The following CDH17 variants were observed in gnomAD, a reference collection of about 807,000 sequenced individuals.
The protein encoded by CDH17 is cadherin-17.
A neutral mutation model predicts 86.3 loss-of-function variants in CDH17; 67 were observed. That is an observed-to-expected ratio of 0.78 (90% CI 0.64 to 0.95). The LOEUF (loss-of-function observed/expected upper bound fraction) is 0.95. Among genes scored for constraint, CDH17 ranks in the 40% least tolerant of loss-of-function variants. The pLI, the probability that CDH17 is intolerant of heterozygous loss-of-function variation, is 0.00. For synonymous variants in CDH17, 367 were observed against 366.4 expected (o/e 1.00, Z -0.02); for missense variants, 993 against 1,017.6 (o/e 0.98, Z 0.33).
At chr8:94,215,822 T>TAA (rs1814185650) in intron 1 of CDH17, among the ~76,000 whole-genome samples, 1 of 152,074 alleles carries the variant, frequency 6.6e-6, no homozygotes, top group South Asian at 2.1e-4. Flanking sequence ...GGAAATGTCT[T>TAA]ACGGTTTCCA....
At chr8:94,199,281 T>G (rs890603800) in intron 1 of CDH17, among the ~76,000 whole-genome samples, 1 of 151,890 alleles carries the variant, frequency 6.6e-6, no homozygotes, top group African/African-American at 2.4e-5. Flanking sequence ...TGTTCTCACC[T>G]GTAAGAGCTT....
chr8:94,214,224 T>C (rs1269557580), intron 1 of CDH17, among the ~76,000 whole-genome samples: 1 of 152,106 alleles, frequency 6.6e-6, no homozygotes, highest in African/African-American at 2.4e-5. Context: ...GTGCAGTGAC[T>C]GCCTAGGAAG....
chr8:94,214,812 A>AACAG (rs1814170710), intron 1 of CDH17, among the ~76,000 whole-genome samples: 1 of 93,190 alleles, frequency 1.1e-5, no homozygotes. Context: ...CCAATCAAAA[A>AACAG]ATAAAGGATC....
intron 9 of CDH17, among the ~76,000 whole-genome samples, chr8:94,167,658 T>C (rs1813182883): frequency 6.6e-6 from 1 of 152,100 alleles, no homozygotes; most frequent in South Asian, 2.1e-4. Context: ...AATTCTGTGG[T>C]CCTTTGGTGT....
At position 94,130,978 on chromosome 8, in the gene CDH17, G is replaced by C; in HGVS notation, c.2182C>G (p.Leu728Val). Residue 728 changes from leucine to valine, a missense_variant, in exon 16 of 18, where the codon CTG (leucine) becomes GTG (valine). Physicochemically the swap from Leu to Val is conservative, Grantham distance 32 (BLOSUM62 1). Coordinates refer to ENST00000027335, the MANE Select transcript of CDH17 (RefSeq NM_004063.4). ...TCAAACTCTGTGTGCCTGGTAGACA[G>C]TCGGGCATGAGTACCTGCCAGGACA... ...VSKINGTHAR[L>V]STRHTEFEER... 2 of 1,579,918 alleles carry C rather than the reference G, an allele frequency of 1.3e-6. No homozygotes were observed. Among genetic ancestry groups the C allele is most frequent in the Non-Finnish European group, 1.7e-6 (2 of 1,149,122 alleles).
intron 5 of CDH17, among the ~76,000 whole-genome samples, chr8:94,174,473 A>C (rs1387878874): frequency 6.6e-6 from 1 of 152,192 alleles, no homozygotes; most frequent in Non-Finnish European, 1.5e-5. Context: ...AGGGTCCCTG[A>C]AACTGTTCAA....
At chr8:94,203,869 A>G (rs1813971130) in intron 1 of CDH17, among the ~76,000 whole-genome samples, 1 of 152,180 alleles carries the variant, frequency 6.6e-6, no homozygotes, top group African/African-American at 2.4e-5. Flanking sequence ...ATGAACATAC[A>G]TACATAAACA....
At chr8:94,180,903 C>T (rs2613236) in intron 3 of CDH17, among the ~76,000 whole-genome samples, 28,132 of 144,940 alleles carry the variant, frequency 0.19, 3,209 homozygotes, top group Non-Finnish European at 0.25. Context: ...AGTGAGACTC[C>T]GTCTCGAACA....
chr8:94,138,169 A>G (rs1370980201), intron 15 of CDH17, among the ~76,000 whole-genome samples: 1 of 152,174 alleles, frequency 6.6e-6, no homozygotes, highest in Non-Finnish European at 1.5e-5. Flanking sequence ...TGCCCTCCCT[A>G]TTCATATCTG....
At chr8:94,183,590 A>G (rs545523878) in intron 3 of CDH17, among the ~76,000 whole-genome samples, 1 of 152,278 alleles carries the variant, frequency 6.6e-6, no homozygotes, top group African/African-American at 2.4e-5. Flanking sequence ...CCTAAATAGA[A>G]AAACTAAAAC....
intron 1 of CDH17, among the ~76,000 whole-genome samples, chr8:94,198,010 T>C (rs998737899): frequency 6.6e-6 from 1 of 152,008 alleles, no homozygotes; most frequent in African/African-American, 2.4e-5. Context: ...AACCAGATTA[T>C]CAATTCCAGA....
rs750430926 is a variant in CDH17, at chr8:94,162,169, A to G, written c.1283-7T>C. 6.3e-7 allele frequency: 1 copy of G among 1,579,824 alleles called. No individual in the cohort carries two copies. The highest frequency in any genetic ancestry group is 8.7e-7 in the Non-Finnish European group (1 of 1,149,520). ...AAACAAAGGGTCTTGAAATCTGAAA[A>G]CCAAAGTCATATGTCATAGAAATTT... On this transcript the variant is annotated splice_polypyrimidine_tract_variant and splice_region_variant and intron_variant, in intron 10 of 17. Coordinates refer to ENST00000027335, the MANE Select transcript of CDH17 (RefSeq NM_004063.4).
chr8:94,204,083 T>C (rs977739414), intron 1 of CDH17, among the ~76,000 whole-genome samples: 3 of 152,354 alleles, frequency 2.0e-5, no homozygotes, highest in African/African-American at 7.2e-5. Flanking sequence ...TCAATTATAA[T>C]ACACATTACT....
chr8:94,132,467 T>A (rs970775181), intron 15 of CDH17, among the ~76,000 whole-genome samples: 4 of 152,192 alleles, frequency 2.6e-5, no homozygotes, highest in African/African-American at 9.6e-5. Context: ...TGCATAAATG[T>A]CTTTTGAGAA....
At chr8:94,143,896 A>G (rs1812685522) in intron 15 of CDH17, among the ~76,000 whole-genome samples, 1 of 152,208 alleles carries the variant, frequency 6.6e-6, no homozygotes, top group Non-Finnish European at 1.5e-5. Context: ...CTTAATGGCA[A>G]TAAGGCTATT....
Position 94,152,079 on chromosome 8 carries a change from T to C in CDH17, c.1585A>G (p.Ile529Val), listed in dbSNP as rs1268204524. 1.2e-6 allele frequency: 2 copies of C among 1,614,002 alleles called. No individual in the cohort carries two copies. The highest frequency in any genetic ancestry group is 1.7e-6 in the Non-Finnish European group (2 of 1,180,026). ...LDFETAAVSN[I>V]VFKAENPEPL... ...TCAGGATTTTCTGCTTTGAACACAA[T>C]GTTGGAAACAGCTGCTGTTTCAAAA... The change falls in exon 13 of 18, where the codon ATT becomes GTT. Residue 529 changes from isoleucine to valine, a missense_variant. Physicochemically the swap from Ile to Val is conservative, Grantham distance 29. Transcript: ENST00000027335.
chr8:94,143,074 CA>C (rs1812669855), intron 15 of CDH17, among the ~76,000 whole-genome samples: 1 of 152,206 alleles, frequency 6.6e-6, no homozygotes, highest in Non-Finnish European at 1.5e-5. Flanking sequence ...CCAGATCCAT[CA>C]GAGGAATTAC....
intron 15 of CDH17, among the ~76,000 whole-genome samples, chr8:94,136,431 C>G (rs1310508444): frequency 6.6e-6 from 1 of 152,146 alleles, no homozygotes; most frequent in Non-Finnish European, 1.5e-5. Flanking sequence ...TTGATTGAAT[C>G]AGCTACTGAA....
intron 1 of CDH17, among the ~76,000 whole-genome samples, chr8:94,198,553 G>A (rs1271347665): frequency 6.6e-6 from 1 of 152,218 alleles, no homozygotes; most frequent in East Asian, 1.9e-4. Flanking sequence ...AAAAATATAG[G>A]CAATAATGAC....
Sources: allele counts gnomAD v4.1 joint callset (sites outside exome capture counted in the v4.1 genomes callset), GRCh38; gene constraint gnomAD v4.1.1; transcripts MANE v1.5; gene names NCBI Gene and HGNC (gene_info 2026-07-23, HGNC 2026-07-21).